The following GRIN2B variants were observed in gnomAD, a reference collection of about 807,000 sequenced individuals.
GRIN2B encodes the protein glutamate receptor ionotropic, NMDA 2B.
GRIN2B carries 5 observed loss-of-function variants against 114.5 expected under a neutral mutation model. That is an observed-to-expected ratio of 0.04 (90% CI 0.02 to 0.09). The LOEUF (loss-of-function observed/expected upper bound fraction) is 0.09. Ranked by LOEUF, GRIN2B falls within the 10% of genes least tolerant of loss-of-function variation. The pLI, the probability that GRIN2B is intolerant of heterozygous loss-of-function variation, is 1.00. For synonymous variants in GRIN2B, 787 were observed against 745.1 expected (o/e 1.06, Z -0.92); for missense variants, 1,108 against 1,943.5 (o/e 0.57, Z 8.08).
intron 10 of GRIN2B, among the ~76,000 whole-genome samples, chr12:13,593,275 T>G (rs1056075758): frequency 6.6e-6 from 1 of 152,156 alleles, no homozygotes; most frequent in African/African-American, 2.4e-5. Flanking sequence ...GGAGGCATCA[T>G]GCTACCTGAC....
At chr12:13,898,682 C>T (rs979337890) in intron 2 of GRIN2B, among the ~76,000 whole-genome samples, 1 of 152,182 alleles carries the variant, frequency 6.6e-6, no homozygotes, top group African/African-American at 2.4e-5. Context: ...GAGGCCAAGG[C>T]GGGTGTATCA....
intron 2 of GRIN2B, among the ~76,000 whole-genome samples, chr12:13,874,966 A>C (rs1865972213): frequency 6.6e-6 from 1 of 152,186 alleles, no homozygotes; most frequent in South Asian, 2.1e-4. Context: ...AGTAGGAGTT[A>C]TATAGGTAAA....
rs1469726085 is a variant in GRIN2B at position 13,538,096 on chromosome 12, T to A, written c.*24687A>T. 2 of 152,212 alleles carry A rather than the reference T, an allele frequency of 1.3e-5. No individual in the cohort carries two copies. Among genetic ancestry groups the A allele is most frequent in the Admixed American group, 6.5e-5 (1 of 15,284 alleles). 9.4% of individuals were successfully genotyped at this position (152,212 alleles called of 1,614,324 possible). A position where few individuals can be genotyped will look rare whatever the true frequency, so the allele number is the denominator to read the frequency against. On this transcript the variant is annotated 3_prime_UTR_variant, in exon 14 of 14. Coordinates refer to ENST00000609686, the MANE Select transcript of GRIN2B (RefSeq NM_000834.5). ...GAATAGGGGAATAGAAATATTCAAA[T>A]CAAGTGTTCAGGGTAGGTTCTACCT...
chr12:13,896,724 T>C (rs1266253741), intron 2 of GRIN2B, among the ~76,000 whole-genome samples: 1 of 152,174 alleles, frequency 6.6e-6, no homozygotes, highest in Non-Finnish European at 1.5e-5. Flanking sequence ...GGCCTTTGGG[T>C]ATTTAAACAT....
At chr12:13,618,058 A>G (rs950693835) in intron 5 of GRIN2B, among the ~76,000 whole-genome samples, 1 of 152,254 alleles carries the variant, frequency 6.6e-6, no homozygotes, top group Non-Finnish European at 1.5e-5. Context: ...AGAATCATGC[A>G]CTGAACCAAA....
intron 10 of GRIN2B, among the ~76,000 whole-genome samples, chr12:13,593,293 T>A (rs1316618677): frequency 6.6e-6 from 1 of 152,140 alleles, no homozygotes; most frequent in Non-Finnish European, 1.5e-5. Flanking sequence ...GACTTCAAAC[T>A]ATACTACAAG....
intron 5 of GRIN2B, among the ~76,000 whole-genome samples, chr12:13,635,433 T>A (rs1949658585): frequency 6.6e-6 from 1 of 152,208 alleles, no homozygotes; most frequent in Non-Finnish European, 1.5e-5. Context: ...GACACCATGT[T>A]ACTAGTTTAG....
chr12:13,626,078 T>A (rs943116077), intron 5 of GRIN2B, among the ~76,000 whole-genome samples: 5 of 152,156 alleles, frequency 3.3e-5, no homozygotes, highest in African/African-American at 4.8e-5. Flanking sequence ...AGAGTCCTAT[T>A]CTTAGACTTA....
intron 3 of GRIN2B, among the ~76,000 whole-genome samples, chr12:13,862,172 A>T (rs1403328318): frequency 6.6e-6 from 1 of 152,174 alleles, no homozygotes; most frequent in Non-Finnish European, 1.5e-5. Flanking sequence ...GGGAAAGCAG[A>T]GTGCTAATTA....
chr12:13,805,509 G>A (rs1864585716), intron 3 of GRIN2B, among the ~76,000 whole-genome samples: 1 of 152,038 alleles, frequency 6.6e-6, no homozygotes, highest in Non-Finnish European at 1.5e-5. Flanking sequence ...ATGGGGAGGT[G>A]TTTCATCTTT....
At chr12:13,583,501 A>T (rs570039277) in intron 10 of GRIN2B, among the ~76,000 whole-genome samples, 6 of 152,364 alleles carry the variant, frequency 3.9e-5, no homozygotes, top group Admixed American at 1.3e-4. Flanking sequence ...ACAGGGCTCT[A>T]TGCAAATAGA....
chr12:13,939,399 G>T (rs565132861), intron 2 of GRIN2B, among the ~76,000 whole-genome samples: 2 of 152,116 alleles, frequency 1.3e-5, no homozygotes, highest in African/African-American at 4.8e-5. Context: ...AGGAGATCTG[G>T]TTGTTTAAAA....
At chr12:13,717,045 T>G (rs1950461134) in intron 4 of GRIN2B, among the ~76,000 whole-genome samples, 1 of 149,086 alleles carries the variant, frequency 6.7e-6, no homozygotes, top group Non-Finnish European at 1.5e-5. Flanking sequence ...TAAATATGTT[T>G]GCATTGTATC....
At chr12:13,910,071 T>C (rs530564155) in intron 2 of GRIN2B, among the ~76,000 whole-genome samples, 2 of 152,322 alleles carry the variant, frequency 1.3e-5, no homozygotes, top group Non-Finnish European at 2.9e-5. Flanking sequence ...TAAGATTTTC[T>C]TATAAAATTT....
At chr12:13,710,048 A>T (rs1165279286) in intron 4 of GRIN2B, among the ~76,000 whole-genome samples, 1 of 152,020 alleles carries the variant, frequency 6.6e-6, no homozygotes. Flanking sequence ...GAAAACAATA[A>T]ATTCTGTTAT....
intron 3 of GRIN2B, among the ~76,000 whole-genome samples, chr12:13,855,817 A>T (rs559991776): frequency 2.0e-5 from 3 of 152,184 alleles, no homozygotes; most frequent in Non-Finnish European, 4.4e-5. Context: ...TAAGACATGG[A>T]CCTATCTTTT....
At chr12:13,642,168 A>G (rs1949723545) in intron 5 of GRIN2B, among the ~76,000 whole-genome samples, 1 of 150,908 alleles carries the variant, frequency 6.6e-6, no homozygotes, top group African/African-American at 2.5e-5. Context: ...AGCCTGGGAG[A>G]CAAGAGTGAG....
In GRIN2B at chr12:13,979,206, A is replaced by G. The variant is rs964958413; in HGVS notation, c.-19+722T>C. 5.2e-4 allele frequency among the ~76,000 whole-genome samples: 79 copies of G among 152,204 alleles called. 1 individual carries two copies. Among genetic ancestry groups the G allele is most frequent in the Admixed American group, 2.0e-4 (3 of 15,290 alleles). ...CAAAAATAATAGCACAGGAAAAAAT[A>G]CAAATTAAAAGCAGAATATTGACAG... is the stretch of plus-strand genomic sequence containing the variant. On this transcript the variant is annotated intron_variant, in intron 2 of 13. Coordinates refer to ENST00000609686, the MANE Select transcript of GRIN2B (RefSeq NM_000834.5).
chr12:13,843,387 T>A (rs1323867913), intron 3 of GRIN2B, among the ~76,000 whole-genome samples: 4 of 152,142 alleles, frequency 2.6e-5, no homozygotes, highest in African/African-American at 4.8e-5. Flanking sequence ...TGTGTTAATA[T>A]TTTTATAATT....
Sources: allele counts gnomAD v4.1 joint callset (sites outside exome capture counted in the v4.1 genomes callset), GRCh38; gene constraint gnomAD v4.1.1; transcripts MANE v1.5; gene names NCBI Gene and HGNC (gene_info 2026-07-23, HGNC 2026-07-21).